The following CA10 variants were observed in gnomAD, a reference collection of about 807,000 sequenced individuals.
The protein encoded by CA10 is carbonic anhydrase 10 (inactive).
In CA10, 14 loss-of-function variants were observed where a neutral mutation model predicts 44.2. The observed-to-expected ratio is 0.32, with a 90% confidence interval of 0.21 to 0.50. CA10 has a LOEUF of 0.50. Among genes scored for constraint, CA10 ranks in the 20% least tolerant of loss-of-function variants. The pLI is 0.99. For missense variants in CA10, 350 were observed against 409.7 expected, an observed-to-expected ratio of 0.85 and a Z score of 1.26; for synonymous variants, 159 against 141.6, an observed-to-expected ratio of 1.12 and a Z score of -0.87.
chr17:51,833,757 C>T (rs1298134568), intron 3 of CA10, among the ~76,000 whole-genome samples: 1 of 152,146 alleles, frequency 6.6e-6, no homozygotes, highest in Non-Finnish European at 1.5e-5. Flanking sequence ...AAGCAACCAT[C>T]TTCCAAAAGA....
intron 2 of CA10, among the ~76,000 whole-genome samples, chr17:51,953,697 C>T (rs1036095254): frequency 6.6e-6 from 1 of 151,902 alleles, no homozygotes; most frequent in Admixed American, 6.6e-5. Flanking sequence ...TATAAATATA[C>T]CAATAGCATT....
chr17:51,694,955 T>C (rs1915349744), intron 4 of CA10, among the ~76,000 whole-genome samples: 1 of 152,168 alleles, frequency 6.6e-6, no homozygotes, highest in South Asian at 2.1e-4. Flanking sequence ...TTGTTGCATA[T>C]CAGTTAGCCA....
At chr17:51,727,908 G>A (rs892350765) in intron 4 of CA10, among the ~76,000 whole-genome samples, 1 of 151,686 alleles carries the variant, frequency 6.6e-6, no homozygotes, top group African/African-American at 2.4e-5. Flanking sequence ...TTTTTTTAAG[G>A]ACGGGGTCTC....
intron 3 of CA10, among the ~76,000 whole-genome samples, chr17:51,922,880 A>C (rs547170417): frequency 1.3e-5 from 2 of 152,222 alleles, no homozygotes; most frequent in South Asian, 4.1e-4. Flanking sequence ...TCCTAGAGTT[A>C]CTGTCCACTC....
intron 3 of CA10, among the ~76,000 whole-genome samples, chr17:51,759,291 G>A (rs1444481435): frequency 1.3e-5 from 2 of 151,854 alleles, no homozygotes; most frequent in Non-Finnish European, 2.9e-5. Context: ...CCTTTCATGA[G>A]TTGGGGGCTC....
At chr17:51,746,731 A>G (rs1237076085) in intron 4 of CA10, among the ~76,000 whole-genome samples, 1 of 152,224 alleles carries the variant, frequency 6.6e-6, no homozygotes, top group Non-Finnish European at 1.5e-5. Context: ...GATGCACATT[A>G]AAATCTGGCT....
At chr17:51,658,312 CTT>C (rs1253438656) in intron 4 of CA10, among the ~76,000 whole-genome samples, 1 of 152,186 alleles carries the variant, frequency 6.6e-6, no homozygotes, top group Non-Finnish European at 1.5e-5. Context: ...CTGAGAAGGT[CTT>C]TGTCCTCCTA....
At position 51,793,304 on chromosome 17, in the gene CA10, A is replaced by C. The variant is rs541428525; in HGVS notation, c.280-45486T>G. Among the ~76,000 whole-genome samples the C allele has an allele frequency of 3.3e-5, 5 of 152,276 alleles. No homozygotes were observed. The East Asian group carries it at 9.6e-4, about 29-fold the overall frequency. On this transcript the variant is annotated intron_variant, in intron 3 of 8. Coordinates refer to ENST00000451037, the MANE Select transcript of CA10 (RefSeq NM_020178.5). ...TGGCCATTGGGGGAAAAAATCAAGGAAACAAAAAATAATATGTTATGGAAA... is the reference window on the plus strand; with the variant it reads ...TGGCCATTGGGGGAAAAAATCAAGGCAACAAAAAATAATATGTTATGGAAA...
At chr17:51,770,572 G>A (rs1490163435) in intron 3 of CA10, among the ~76,000 whole-genome samples, 3 of 152,154 alleles carry the variant, frequency 2.0e-5, no homozygotes, top group African/African-American at 4.8e-5. Context: ...CCTGTGAGCT[G>A]GTACTGATTG....
chr17:52,149,725 T>C (rs1301256041), intron 1 of CA10, among the ~76,000 whole-genome samples: 8 of 152,168 alleles, frequency 5.3e-5, no homozygotes, highest in Non-Finnish European at 1.2e-4. Context: ...ATAAACTAAG[T>C]AACAAGATGA....
chr17:51,771,698 T>C (rs1479673868), intron 3 of CA10, among the ~76,000 whole-genome samples: 4 of 152,232 alleles, frequency 2.6e-5, no homozygotes, highest in Non-Finnish European at 4.4e-5. Context: ...CCTGACTCTT[T>C]CCTGTTGACT....
chr17:51,874,872 C>T (rs554231537), intron 3 of CA10, among the ~76,000 whole-genome samples: 1 of 152,278 alleles, frequency 6.6e-6, no homozygotes, highest in African/African-American at 2.4e-5. Context: ...CTCCTGTTGA[C>T]ATGTCTCCAC....
chr17:51,633,801 G>T (rs1478174663), intron 7 of CA10, 151 bp from the exon 8 acceptor site: 2 of 767,334 alleles, frequency 2.6e-6, no homozygotes, highest in Non-Finnish European at 4.0e-6. Context: ...TTTTCCATGG[G>T]TTCAGTTGAG....
intron 4 of CA10, among the ~76,000 whole-genome samples, chr17:51,656,657 A>G (rs1219356739): frequency 6.6e-6 from 1 of 152,232 alleles, no homozygotes; most frequent in Non-Finnish European, 1.5e-5. Flanking sequence ...AGATGTTAAT[A>G]AGATGACAGT....
At chr17:52,056,059 C>G (rs1987220595) in intron 2 of CA10, among the ~76,000 whole-genome samples, 1 of 151,890 alleles carries the variant, frequency 6.6e-6, no homozygotes. Context: ...CTGATGGAAG[C>G]TGTGAGAAGA....
At chr17:51,971,834 A>G (rs1346741732) in intron 2 of CA10, among the ~76,000 whole-genome samples, 1 of 151,964 alleles carries the variant, frequency 6.6e-6, no homozygotes, top group Non-Finnish European at 1.5e-5. Context: ...ACGTATATTT[A>G]AAATAATTTT....
At chr17:51,819,289 G>A (rs898005249) in intron 3 of CA10, among the ~76,000 whole-genome samples, 13 of 152,154 alleles carry the variant, frequency 8.5e-5, no homozygotes, top group African/African-American at 2.9e-4. Context: ...CTTCTTTCTG[G>A]TCAAGCGTTG....
intron 3 of CA10, among the ~76,000 whole-genome samples, chr17:51,915,812 A>G (rs371471373): frequency 1.3e-5 from 2 of 152,144 alleles, no homozygotes; most frequent in East Asian, 1.9e-4. Flanking sequence ...TCACTCCAGT[A>G]TCTGTCCTTT....
chr17:52,120,405 CATCCTTAACCTT>C (rs1468233503), intron 1 of CA10, among the ~76,000 whole-genome samples: 26 of 149,866 alleles, frequency 1.7e-4, no homozygotes. Flanking sequence ...TATTGGTCTT[CATCCTTAACCTT>C]ATCCTTATCC....
Sources: allele counts gnomAD v4.1 joint callset (sites outside exome capture counted in the v4.1 genomes callset), GRCh38; gene constraint gnomAD v4.1.1; transcripts MANE v1.5; gene names NCBI Gene and HGNC (gene_info 2026-07-23, HGNC 2026-07-21).